Variants in MFAP3L observed in about 807,000 individuals in gnomAD.
MFAP3L encodes microfibril associated protein 3 like, also known as microfibrillar-associated protein 3-like.
MFAP3L carries 5 observed loss-of-function variants against 20.0 expected under a neutral mutation model. That is an observed-to-expected ratio of 0.25 (90% CI 0.13 to 0.53). The LOEUF (loss-of-function observed/expected upper bound fraction) is 0.53, where lower values mean the gene tolerates loss of function less well. Ranked by LOEUF, MFAP3L falls within the 20% of genes least tolerant of loss-of-function variation. MFAP3L has a pLI of 0.96. For missense variants in MFAP3L, 409 were observed against 527.5 expected (o/e 0.78, Z 2.20); for synonymous variants, 219 against 213.0 (o/e 1.03, Z -0.25).
chr4:169,994,371 G>T (rs1175887551), intron 2 of MFAP3L: 1 of 984,986 alleles, frequency 1.0e-6, no homozygotes, highest in African/African-American at 1.7e-5. Flanking sequence ...GGGTACAGAA[G>T]AGGAGAACAC....
chr4:170,020,874 T>C (rs1006847329), intron 1 of MFAP3L, among the ~76,000 whole-genome samples: 78 of 152,142 alleles, frequency 5.1e-4, no homozygotes, highest in African/African-American at 1.8e-3. Context: ...TAACTTCCTA[T>C]TTTCGCTATA....
intron 2 of MFAP3L, among the ~76,000 whole-genome samples, chr4:169,998,647 T>C (rs1171910390): frequency 1.3e-5 from 2 of 152,244 alleles, no homozygotes; most frequent in Non-Finnish European, 2.9e-5. Flanking sequence ...CCAATCTTTT[T>C]ATGAATGCGT....
intron 1 of MFAP3L, among the ~76,000 whole-genome samples, chr4:170,024,470 T>C (rs1740230466): frequency 6.6e-6 from 1 of 152,224 alleles, no homozygotes; most frequent in Non-Finnish European, 1.5e-5. Flanking sequence ...CTGTTCAGGA[T>C]AAGGTGTACA....
At chr4:169,993,640 T>C (rs1384378503) in intron 2 of MFAP3L, 1 of 151,518 alleles carries the variant, frequency 6.6e-6, no homozygotes, top group Non-Finnish European at 1.5e-5. Flanking sequence ...GCGGGACGTG[T>C]CAATGAGGTA....
intron 1 of MFAP3L, among the ~76,000 whole-genome samples, chr4:170,021,742 C>A (rs1222280488): frequency 6.6e-6 from 1 of 152,116 alleles, no homozygotes; most frequent in African/African-American, 2.4e-5. Flanking sequence ...GATATTGAGG[C>A]CTTGTACATA....
chr4:170,009,149 C>T (rs1024838199), intron 1 of MFAP3L, among the ~76,000 whole-genome samples: 7 of 152,128 alleles, frequency 4.6e-5, no homozygotes, highest in African/African-American at 1.7e-4. Context: ...CTTTGGGAGG[C>T]TGACGCAGGC....
At chr4:170,016,850 T>C (rs1476532262) in intron 1 of MFAP3L, among the ~76,000 whole-genome samples, 1 of 152,212 alleles carries the variant, frequency 6.6e-6, no homozygotes, top group Admixed American at 6.5e-5. Context: ...TCCTCAGAAA[T>C]GCATCATTTG....
intron 2 of MFAP3L, among the ~76,000 whole-genome samples, chr4:170,002,677 T>G (rs1290512290): frequency 1.3e-5 from 2 of 151,932 alleles, no homozygotes; most frequent in South Asian, 2.1e-4. Context: ...GCCCAGCTAA[T>G]TTTTGTATTT....
intron 1 of MFAP3L, among the ~76,000 whole-genome samples, chr4:170,025,106 T>C (rs1036027197): frequency 3.3e-5 from 5 of 152,226 alleles, no homozygotes; most frequent in Admixed American, 2.6e-4. Context: ...CTAAATGTTT[T>C]AGGAATAAAC....
At chr4:170,024,249 TTCA>T (rs935174257) in intron 1 of MFAP3L, among the ~76,000 whole-genome samples, 1 of 152,200 alleles carries the variant, frequency 6.6e-6, no homozygotes, top group African/African-American at 2.4e-5. Context: ...TTGATTAAAT[TTCA>T]TCGTGTCTCT....
chr4:170,006,505 T>C (rs1739045588), intron 1 of MFAP3L: 1 of 152,254 alleles, frequency 6.6e-6, no homozygotes, highest in African/African-American at 2.4e-5. Context: ...TTTTTTGCTA[T>C]CAAAACATAT....
At chr4:170,003,342 G>C (rs1738806241) in intron 2 of MFAP3L, among the ~76,000 whole-genome samples, 1 of 152,174 alleles carries the variant, frequency 6.6e-6, no homozygotes, top group African/African-American at 2.4e-5. Flanking sequence ...CTACTGACAG[G>C]CTACTACTAT....
intron 1 of MFAP3L, among the ~76,000 whole-genome samples, chr4:170,015,961 A>T (rs1399305638): frequency 6.6e-6 from 1 of 152,006 alleles, no homozygotes; most frequent in Non-Finnish European, 1.5e-5. Flanking sequence ...TGAAACCTTC[A>T]TTTCACTTGA....
chr4:169,986,764 T>C lies in MFAP3L; in HGVS notation c.*4614A>G, dbSNP rs993334252. The C allele has an allele frequency of 1.2e-4, 18 of 152,208 alleles. No homozygotes were observed. The highest frequency in any genetic ancestry group is 4.3e-4 in the African/African-American group (18 of 41,450). 9.4% of individuals were successfully genotyped at this position (152,208 alleles called of 1,614,324 possible). On this transcript the variant is annotated 3_prime_UTR_variant, in exon 3 of 3. Coordinates refer to ENST00000361618, the MANE Select transcript of MFAP3L (RefSeq NM_021647.8). ...AGTTCACAGAATCACCAGATTGACA[T>C]TTCTGTCGAGACATTTTTCCATTTT...
chr4:169,991,997 A>G lies in MFAP3L; in HGVS notation c.611T>C (p.Ile204Thr). 6.2e-7 allele frequency: 1 copy of G among 1,614,130 alleles called. No homozygotes were observed. Residue 204 changes from isoleucine to threonine, a missense_variant, in exon 3 of 3, where the codon ATC (isoleucine) becomes ACC (threonine). By Grantham distance (89) the Ile-to-Thr change is moderately conservative. This residue lies in a region of MFAP3L where 127 missense variants were observed against 218.1 expected (regional missense o/e 0.58). Coordinates refer to ENST00000361618, the MANE Select transcript of MFAP3L (RefSeq NM_021647.8). The surrounding 1 kb of genome is among the most constrained non-coding windows in gnomAD (Gnocchi z 4.9). The part of the protein sequence containing the change: ...GAEKLQKAFE[I>T]AKRIPIITSA... ...GGTGATGATGGGGATGCGCTTGGCG[A>G]TCTCAAATGCCTTCTGCAGCTTCTC...
At chr4:170,013,863 G>A (rs181762145) in intron 1 of MFAP3L, among the ~76,000 whole-genome samples, 15 of 152,168 alleles carry the variant, frequency 9.9e-5, no homozygotes, top group Non-Finnish European at 1.8e-4. Context: ...ATGGCTCATC[G>A]TATTAATTGG....
chr4:169,997,198 G>C (rs1188355262), intron 2 of MFAP3L, among the ~76,000 whole-genome samples: 2 of 152,064 alleles, frequency 1.3e-5, no homozygotes, highest in African/African-American at 4.8e-5. Flanking sequence ...CTACTCCGAA[G>C]ATCTAAACAT....
In MFAP3L at chr4:169,991,408, GT is replaced by G; in HGVS notation, c.1199del (p.Asn400ThrfsTer38). On this transcript the variant is annotated frameshift_variant, in exon 3 of 3. Transcript: ENST00000361618. LOFTEE classifies it high-confidence loss of function. The surrounding 1 kb of genome is among the most constrained non-coding windows in gnomAD (Gnocchi z 4.9). Reference sequence around the variant, plus strand: ...CATGGCTTTCGTAAATAATGCAGGTGTTTTTGTCATGTGTCACTGCTGGCTC... The same window carrying G: ...CATGGCTTTCGTAAATAATGCAGGTGTTTTGTCATGTGTCACTGCTGGCTC... The part of the protein sequence containing the change: ...ATEPAVTHDK[N>X]TCIIYESHV The G allele has an allele frequency of 1.2e-6, 2 of 1,614,074 alleles. No homozygotes were observed. The highest frequency in any genetic ancestry group is 1.7e-6 in the Non-Finnish European group (2 of 1,179,960).
upstream of MFAP3L, among the ~76,000 whole-genome samples, chr4:170,026,599 G>A (rs1730455113): frequency 6.6e-6 from 1 of 151,872 alleles, no homozygotes; most frequent in East Asian, 1.9e-4. Flanking sequence ...ACCGGAGGCT[G>A]TAGTTGCCGG....
Sources: allele counts gnomAD v4.1 joint callset (sites outside exome capture counted in the v4.1 genomes callset), GRCh38; gene constraint gnomAD v4.1.1; regional missense constraint gnomAD v4.1.1; non-coding constraint Gnocchi (gnomAD v3.1); transcripts MANE v1.5; gene names NCBI Gene and HGNC (gene_info 2026-07-23, HGNC 2026-07-21).